Variants in MRRF observed in about 807,000 individuals in gnomAD.
MRRF encodes the protein ribosome-recycling factor, mitochondrial.
A neutral mutation model predicts 25.1 loss-of-function variants in MRRF; 18 were observed. The observed-to-expected ratio is 0.72, with a 90% CI of 0.50 to 1.06. The LOEUF (loss-of-function observed/expected upper bound fraction) is 1.06. Ranked by LOEUF, MRRF falls within the 50% of genes least tolerant of loss-of-function variation. MRRF has a pLI of 0.00. For missense variants in MRRF, 323 were observed against 319.3 expected, an observed-to-expected ratio of 1.01 and a Z score of -0.09; for synonymous variants, 113 against 112.1, an observed-to-expected ratio of 1.01 and a Z score of -0.05.
At chr9:122,300,427 A>G (rs555753582) in intron 5 of MRRF, among the ~76,000 whole-genome samples, 1 of 152,130 alleles carries the variant, frequency 6.6e-6, no homozygotes, top group African/African-American at 2.4e-5. Context: ...GTAAAACTGG[A>G]GTAGTATTTA....
chr9:122,275,983 C>T (rs1484201020), intron 2 of MRRF, among the ~76,000 whole-genome samples: 1 of 152,152 alleles, frequency 6.6e-6, no homozygotes, highest in African/African-American at 2.4e-5. Flanking sequence ...TCTCAGCTCA[C>T]TGCAGCCTTG....
intron 4 of MRRF, 33 bp downstream of exon 4, chr9:122,285,320 G>A (rs1429677419): frequency 1.5e-6 from 2 of 1,301,356 alleles, no homozygotes; most frequent in South Asian, 2.4e-5. Context: ...TCTCTCCGTG[G>A]TCTCTTTTGG....
chr9:122,310,861 T>C (rs1835161083), intron 5 of MRRF, among the ~76,000 whole-genome samples: 1 of 152,272 alleles, frequency 6.6e-6, no homozygotes, highest in Non-Finnish European at 1.5e-5. Flanking sequence ...GATGATCAGA[T>C]GTATTAATCA....
chr9:122,279,635 C>T (rs1258429528), intron 2 of MRRF, among the ~76,000 whole-genome samples: 1 of 152,126 alleles, frequency 6.6e-6, no homozygotes, highest in Non-Finnish European at 1.5e-5. Context: ...TATGTATACA[C>T]CTAGAATGTA....
At chr9:122,312,126 T>C (rs770193522) in intron 5 of MRRF, among the ~76,000 whole-genome samples, 2 of 152,162 alleles carry the variant, frequency 1.3e-5, no homozygotes, top group Non-Finnish European at 2.9e-5. Flanking sequence ...TTACTTGAAA[T>C]AGATTACAAG....
At chr9:122,305,570 C>T (rs1381641366) in intron 5 of MRRF, among the ~76,000 whole-genome samples, 1 of 152,120 alleles carries the variant, frequency 6.6e-6, no homozygotes, top group Non-Finnish European at 1.5e-5. Flanking sequence ...CAGCTCAGAG[C>T]TTGATACAGG....
intron 5 of MRRF, among the ~76,000 whole-genome samples, chr9:122,301,432 T>G (rs73557026): frequency 0.069 from 10,543 of 152,166 alleles, 949 homozygotes; most frequent in African/African-American, 0.21. Flanking sequence ...AGAAAACCAG[T>G]AGAAAGAGCT....
intron 5 of MRRF, among the ~76,000 whole-genome samples, chr9:122,312,130 T>C (rs1397432435): frequency 6.6e-6 from 1 of 152,190 alleles, no homozygotes; most frequent in Non-Finnish European, 1.5e-5. Context: ...TTGAAATAGA[T>C]TACAAGAGTA....
intron 5 of MRRF, among the ~76,000 whole-genome samples, chr9:122,301,174 C>T (rs1398791931): frequency 1.3e-5 from 2 of 152,046 alleles, no homozygotes; most frequent in Non-Finnish European, 2.9e-5. Flanking sequence ...AGTAAAAAAG[C>T]CTTGAGTTAT....
chr9:122,271,223 A>C (rs1429965476), intron 2 of MRRF, 148 bp downstream of exon 2: 1 of 768,328 alleles, frequency 1.3e-6, no homozygotes, highest in Non-Finnish European at 2.3e-6. Flanking sequence ...GATTAGCTTA[A>C]AAGGTTACAG....
chr9:122,296,801 A>G (rs923069077), intron 5 of MRRF, among the ~76,000 whole-genome samples: 5 of 152,170 alleles, frequency 3.3e-5, no homozygotes, highest in African/African-American at 9.6e-5. Flanking sequence ...CCAAATGTCT[A>G]TGGGAAAACC....
rs1836110001 is a variant in MRRF at position 122,325,607 on chromosome 9, A to T, written c.*2990A>T. The T allele has an allele frequency of 6.7e-6, 1 of 149,864 alleles. No homozygotes were observed. Among genetic ancestry groups the T allele is most frequent in the African/African-American group, 2.5e-5 (1 of 40,322 alleles). The allele number at this position is 149,864 out of a possible 1,614,324, so 9.3% of individuals were successfully genotyped here. On this transcript the variant is annotated 3_prime_UTR_variant, in exon 7 of 7. Coordinates refer to ENST00000344641, the MANE Select transcript of MRRF (RefSeq NM_138777.5). The stretch of plus-strand genomic sequence containing the variant: ...CCTATGAAATATTCAGGCCAGAGAG[A>T]ATTTGAGAATTTTTTTCCTGTCTGG...
At chr9:122,308,199 C>T (rs1004883054) in intron 5 of MRRF, among the ~76,000 whole-genome samples, 3 of 152,110 alleles carry the variant, frequency 2.0e-5, no homozygotes, top group African/African-American at 7.2e-5. Flanking sequence ...GCTTCCTCAC[C>T]CAGCCAAGAA....
In MRRF at chr9:122,325,633, TGTGTG is replaced by T. The variant is rs933288567; in HGVS notation, c.*3017_*3021del. 7.9e-5 allele frequency: 1 copy of T among 12,714 alleles called. No individual in the cohort carries two copies. Among genetic ancestry groups the T allele is most frequent in the African/African-American group, 2.4e-4 (1 of 4,174 alleles). The allele number at this position is 12,714 out of a possible 1,614,324, so 0.8% of individuals were successfully genotyped here. On this transcript the variant is annotated 3_prime_UTR_variant, in exon 7 of 7. Coordinates refer to ENST00000344641, the MANE Select transcript of MRRF (RefSeq NM_138777.5). The stretch of plus-strand genomic sequence containing the variant: ...ATTTGAGAATTTTTTTCCTGTCTGG[TGTGTG>T]TGTGTGTGTGTGTGTGTGTGTGTGT...
At chr9:122,321,582 A>G (rs1835896811) in intron 6 of MRRF, among the ~76,000 whole-genome samples, 1 of 152,200 alleles carries the variant, frequency 6.6e-6, no homozygotes, top group Admixed American at 6.5e-5. Flanking sequence ...TCAGTGATAT[A>G]CGAGCTTATC....
At chr9:122,285,380 A>T (rs1833332342) in intron 4 of MRRF, 93 bp downstream of exon 4, 2 of 836,116 alleles carry the variant, frequency 2.4e-6, no homozygotes, top group Non-Finnish European at 4.2e-6. Context: ...TCAGCTTAGG[A>T]TGAAACAAGA....
At chr9:122,312,455 G>T (rs1383209805) in intron 5 of MRRF, among the ~76,000 whole-genome samples, 3 of 152,188 alleles carry the variant, frequency 2.0e-5, no homozygotes, top group Non-Finnish European at 2.9e-5. Context: ...ATGTAAGGTA[G>T]ATGTTACTAA....
intron 6 of MRRF, among the ~76,000 whole-genome samples, chr9:122,314,119 G>C (rs1310353952): frequency 6.6e-6 from 1 of 152,012 alleles, no homozygotes; most frequent in East Asian, 1.9e-4. Context: ...CCACAATAAT[G>C]GTACATAACT....
At chr9:122,307,670 C>T (rs1299571323) in intron 5 of MRRF, among the ~76,000 whole-genome samples, 2 of 152,158 alleles carry the variant, frequency 1.3e-5, no homozygotes, top group Admixed American at 6.5e-5. Context: ...AATATTCTTA[C>T]TCCCATTTTA....
Sources: allele counts gnomAD v4.1 joint callset (sites outside exome capture counted in the v4.1 genomes callset), GRCh38; gene constraint gnomAD v4.1.1; transcripts MANE v1.5; gene names NCBI Gene and HGNC (gene_info 2026-07-23, HGNC 2026-07-21).